The following TRIM2 variants were observed in gnomAD, a reference collection of about 807,000 sequenced individuals.
The protein encoded by TRIM2 is tripartite motif containing 2.
Under a neutral mutation model 75.2 loss-of-function variants are expected in TRIM2, and 20 were observed. The observed-to-expected ratio is 0.27, with a 90% CI of 0.19 to 0.39. The LOEUF is 0.39. TRIM2 is among the 10% of genes least tolerant of loss of function. The probability of loss-of-function intolerance (pLI) is 1.00; values close to 1 mark genes in which losing one functional copy is unlikely to be tolerated. For missense variants in TRIM2, 660 were observed against 990.8 expected, an observed-to-expected ratio of 0.67 and a Z score of 4.48; for synonymous variants, 373 against 388.3, an observed-to-expected ratio of 0.96 and a Z score of 0.46.
rs184800021 is a variant in TRIM2, at chr4:153,276,728, G to A, written c.453+598G>A. 1.3e-3 allele frequency among the ~76,000 whole-genome samples: 193 copies of A among 152,330 alleles called. 1 individual carries two copies. The highest frequency in any genetic ancestry group is 2.4e-3 in the Non-Finnish European group (164 of 68,046). On this transcript the variant is annotated intron_variant, in intron 3 of 11. Coordinates refer to ENST00000338700, the MANE Select transcript of TRIM2 (RefSeq NM_015271.5). ...TAACCTGAAGAGGCAGCATTGTGTA[G>A]CGTCTAAGGACATTGGCTTTGGAGT...
rs1377440027 is a variant in TRIM2, at chr4:153,248,161, A to G, written c.31-22174A>G. On this transcript the variant is annotated intron_variant, in intron 1 of 11. Transcript: ENST00000338700. This position sits in a 1 kb window ranked among gnomAD's most constrained non-coding sequence, Gnocchi z 4.0. ...CAGGCGCCTGCCACCATGCCCGGCT[A>G]ATTTTTATACTTTTAATAGAGACAG... Among the ~76,000 whole-genome samples the G allele has an allele frequency of 6.6e-6, 1 of 151,888 alleles. No individual in the cohort carries two copies. Among genetic ancestry groups the G allele is most frequent in the African/African-American group, 2.4e-5 (1 of 41,346 alleles).
Position 153,248,873 on chromosome 4 carries a change from C to A in TRIM2, c.31-21462C>A, listed in dbSNP as rs897169649. Among the ~76,000 whole-genome samples the A allele has an allele frequency of 6.6e-6, 1 of 152,230 alleles. No individual in the cohort carries two copies. The highest frequency in any genetic ancestry group is 1.5e-5 in the Non-Finnish European group (1 of 68,026). Reference sequence around the variant, plus strand: ...TGCCCAGGCTCCTACTTCAGTGTCACCTCCAGGTTTCAAAGCATGGAAACC... The same window carrying A: ...TGCCCAGGCTCCTACTTCAGTGTCAACTCCAGGTTTCAAAGCATGGAAACC... On this transcript the variant is annotated intron_variant, in intron 1 of 11. Transcript: ENST00000338700. The surrounding 1 kb of genome is among the most constrained non-coding windows in gnomAD (Gnocchi z 4.0).
At chr4:153,256,538 G>A (rs982684328) in intron 1 of TRIM2, among the ~76,000 whole-genome samples, 3 of 152,162 alleles carry the variant, frequency 2.0e-5, no homozygotes, top group African/African-American at 7.2e-5. Flanking sequence ...ACTCTGATAT[G>A]TAAGATTTTT....
chr4:153,337,838 G>A lies in TRIM2; in HGVS notation c.*2872G>A. ...ATTCAAATTTCCCCTGGGCACGTAA[G>A]GCAAAATATTGCCGGTTGGGATTTC... On this transcript the variant is annotated 3_prime_UTR_variant, in exon 12 of 12. Transcript: ENST00000338700. 4 of 985,814 alleles carry A rather than the reference G, an allele frequency of 4.1e-6. No homozygotes were observed. Among genetic ancestry groups the A allele is most frequent in the African/African-American group, 3.5e-5 (2 of 57,328 alleles). The allele number at this position is 985,814 out of a possible 1,614,324, so 61.1% of individuals were successfully genotyped here. A position where few individuals can be genotyped will look rare whatever the true frequency, so the allele number is the denominator to read the frequency against.
At chr4:153,238,532 A>AT (rs1349137825) in intron 1 of TRIM2, among the ~76,000 whole-genome samples, 3 of 152,232 alleles carry the variant, frequency 2.0e-5, no homozygotes, top group Non-Finnish European at 4.4e-5. Context: ...GCAAGGGAAG[A>AT]AAGGACTGGA....
chr4:153,243,397 G>A (rs760891440), intron 1 of TRIM2, among the ~76,000 whole-genome samples: 18 of 152,274 alleles, frequency 1.2e-4, no homozygotes, highest in Non-Finnish European at 1.8e-4. Context: ...ACGAAGAGCA[G>A]TGCCAGGTTC....
At chr4:153,316,947 C>T (rs1248882067) in intron 8 of TRIM2, among the ~76,000 whole-genome samples, 2 of 123,236 alleles carry the variant, frequency 1.6e-5, no homozygotes, top group Admixed American at 1.2e-4. Context: ...GTGGCGCGAT[C>T]TCAGCTCACT....
chr4:153,260,892 G>T (rs1284302365), intron 1 of TRIM2, among the ~76,000 whole-genome samples: 2 of 152,042 alleles, frequency 1.3e-5, no homozygotes. Flanking sequence ...TTCTAATTGA[G>T]ACCTCAGTAA....
At chr4:153,332,059 A>C (rs959841841) in intron 11 of TRIM2, among the ~76,000 whole-genome samples, 2 of 152,228 alleles carry the variant, frequency 1.3e-5, no homozygotes, top group Admixed American at 6.5e-5. Context: ...TTGAGGAGAT[A>C]AACTTTTAGA....
Position 153,293,312 on chromosome 4 carries a change from T to C in TRIM2, c.605+179T>C, listed in dbSNP as rs191353614. On this transcript the variant is annotated intron_variant, in intron 4 of 11. Coordinates refer to ENST00000338700, the MANE Select transcript of TRIM2 (RefSeq NM_015271.5). ...AAACTAATGAGTGAGGAAGGTTGTC[T>C]TCTGCCTGTTGGTAGAACTCCAGCC... Among the ~76,000 whole-genome samples, 7 of 152,370 alleles carry C rather than the reference T, an allele frequency of 4.6e-5. No individual in the cohort carries two copies. In the East Asian group the frequency reaches 1.3e-3, roughly 29 times the overall value.
At chr4:153,233,389 G>C (rs944926595) in intron 1 of TRIM2, among the ~76,000 whole-genome samples, 3 of 152,024 alleles carry the variant, frequency 2.0e-5, no homozygotes, top group Admixed American at 2.0e-4. Context: ...GAAAGTTGTG[G>C]GGTTTTCTTT....
chr4:153,284,103 T>C (rs1760030933), intron 3 of TRIM2, among the ~76,000 whole-genome samples: 1 of 151,754 alleles, frequency 6.6e-6, no homozygotes, highest in Non-Finnish European at 1.5e-5. Flanking sequence ...GGTCTCAAAC[T>C]CCTGACCTCA....
chr4:153,312,528 A>G (rs1189368049), intron 6 of TRIM2, among the ~76,000 whole-genome samples: 2 of 152,088 alleles, frequency 1.3e-5, no homozygotes, highest in African/African-American at 2.4e-5. Context: ...CACCAGTTAG[A>G]ATGGCGATCA....
intron 3 of TRIM2, among the ~76,000 whole-genome samples, chr4:153,292,206 A>G (rs1476174570): frequency 5.9e-5 from 9 of 152,242 alleles, no homozygotes; most frequent in African/African-American, 1.9e-4. Flanking sequence ...GATGTATGCT[A>G]TCACAATGGA....
At chr4:153,260,737 C>G (rs557755854) in intron 1 of TRIM2, among the ~76,000 whole-genome samples, 4 of 128,568 alleles carry the variant, frequency 3.1e-5, no homozygotes, top group South Asian at 2.7e-4. Context: ...TCATCATCAT[C>G]ATCATCATGA....
chr4:153,338,506 T>C lies in TRIM2; in HGVS notation c.*3540T>C. 11 of 985,100 alleles carry C rather than the reference T, an allele frequency of 1.1e-5. No homozygotes were observed. Among genetic ancestry groups the C allele is most frequent in the Non-Finnish European group, 1.3e-5 (11 of 829,258 alleles). The allele number at this position is 985,100 out of a possible 1,614,324, so 61.0% of individuals were successfully genotyped here. A position where few individuals can be genotyped will look rare whatever the true frequency, so the allele number is the denominator to read the frequency against. ...AAAGTGGTAATACTGTTGGTTTCTG[T>C]AAATGTTGCAGGGTTTTAAACTTTA... On this transcript the variant is annotated 3_prime_UTR_variant, in exon 12 of 12. Transcript: ENST00000338700.
intron 1 of TRIM2, among the ~76,000 whole-genome samples, chr4:153,180,219 G>A (rs931823982): frequency 1.3e-5 from 2 of 152,080 alleles, no homozygotes; most frequent in Non-Finnish European, 2.9e-5. Flanking sequence ...ACTCATTTTG[G>A]GTACATTTTT....
rs930227502 is a variant in TRIM2, at chr4:153,293,104, C to T, written c.576C>T (p.Leu192=). The T allele has an allele frequency of 1.2e-6, 2 of 1,611,264 alleles. No individual in the cohort carries two copies. Among genetic ancestry groups the T allele is most frequent in the Non-Finnish European group, 1.7e-6 (2 of 1,177,866 alleles). The part of the protein sequence containing the change: ...KDVVEQHKAS[L]QVQLDAVNKR... ...TGGTGGAACAGCACAAGGCCTCGCTCCAGGTCCAGCTGGATGCTGTCAACA... is the reference window on the plus strand; with the variant it reads ...TGGTGGAACAGCACAAGGCCTCGCTTCAGGTCCAGCTGGATGCTGTCAACA... The change falls in exon 4 of 12, where the codon CTC becomes CTT. Residue 192 remains leucine (L), a synonymous_variant. Coordinates refer to ENST00000338700, the MANE Select transcript of TRIM2 (RefSeq NM_015271.5).
chr4:153,295,670 G>C lies in TRIM2; in HGVS notation c.1144G>C (p.Gly382Arg). ...SVTITTKDKD[G>R]ELCKTGNAYL... ...CACCATCACCACCAAGGACAAAGAC[G>C]GTGAGCTGTGCAAAACCGGCAACGC... The change falls in exon 6 of 12, where the codon GGT becomes CGT. Residue 382 changes from glycine to arginine, a missense_variant. By Grantham distance (125) the Gly-to-Arg change is moderately radical. This residue lies in a region of TRIM2 where 620 missense variants were observed against 891.0 expected (regional missense o/e 0.70). Coordinates refer to ENST00000338700, the MANE Select transcript of TRIM2 (RefSeq NM_015271.5). The surrounding 1 kb of genome is among the most constrained non-coding windows in gnomAD (Gnocchi z 7.2). The C allele has an allele frequency of 1.9e-6, 3 of 1,614,044 alleles. No individual in the cohort carries two copies. The highest frequency in any genetic ancestry group is 2.2e-5 in the East Asian group (1 of 44,864).
Sources: allele counts gnomAD v4.1 joint callset (sites outside exome capture counted in the v4.1 genomes callset), GRCh38; gene constraint gnomAD v4.1.1; regional missense constraint gnomAD v4.1.1; non-coding constraint Gnocchi (gnomAD v3.1); transcripts MANE v1.5; gene names NCBI Gene and HGNC (gene_info 2026-07-23, HGNC 2026-07-21).